The following HIVEP1 variants were observed in gnomAD, a reference collection of about 807,000 sequenced individuals.
HIVEP1 encodes the protein HIVEP zinc finger 1, also known as zinc finger protein 40.
A neutral mutation model predicts 180.0 loss-of-function variants in HIVEP1; 36 were observed. That is an observed-to-expected ratio of 0.20 (90% CI 0.15 to 0.26). The LOEUF (loss-of-function observed/expected upper bound fraction) is 0.26, where lower values mean the gene tolerates loss of function less well. Among genes scored for constraint, HIVEP1 ranks in the 10% least tolerant of loss-of-function variants. The probability of loss-of-function intolerance (pLI) is 1.00; values close to 1 mark genes in which losing one functional copy is unlikely to be tolerated. For missense variants in HIVEP1, 3,143 were observed against 3,268.7 expected (o/e 0.96, Z 0.94); for synonymous variants, 1,239 against 1,239.0 (o/e 1.00, Z 0.00).
At chr6:12,027,226 G>A (rs1768642758) in intron 2 of HIVEP1, among the ~76,000 whole-genome samples, 1 of 152,180 alleles carries the variant, frequency 6.6e-6, no homozygotes, top group Non-Finnish European at 1.5e-5. Context: ...AAATGAGAAT[G>A]CTTTATCTTT....
At chr6:12,116,747 G>C (rs1005453213) in intron 3 of HIVEP1, among the ~76,000 whole-genome samples, 1 of 152,178 alleles carries the variant, frequency 6.6e-6, no homozygotes, top group African/African-American at 2.4e-5. Context: ...TCTCAGCTGA[G>C]TGCTGAGTGA....
intron 3 of HIVEP1, among the ~76,000 whole-genome samples, chr6:12,099,876 GTTGT>G (rs1774007533): frequency 6.6e-6 from 1 of 152,172 alleles, no homozygotes; most frequent in African/African-American, 2.4e-5. Context: ...TCTGAAGTAA[GTTGT>G]TTCTTTTGTC....
At chr6:12,198,977 G>T in the HIVEP1 span, among the ~76,000 whole-genome samples, 1 of 152,326 alleles carries the variant, frequency 6.6e-6, no homozygotes, top group South Asian at 2.1e-4. Context: ...CAGTGGAGAG[G>T]TGTTGGTGGC....
intron 3 of HIVEP1, among the ~76,000 whole-genome samples, chr6:12,116,950 A>G: frequency 6.6e-6 from 1 of 152,234 alleles, no homozygotes; most frequent in Non-Finnish European, 1.5e-5. Flanking sequence ...AATGGGAAAT[A>G]TGGAACTAAG....
At chr6:12,170,950 G>C in the HIVEP1 span, among the ~76,000 whole-genome samples, 39 of 152,132 alleles carry the variant, frequency 2.6e-4, 1 homozygote, top group Admixed American at 4.6e-4. Context: ...TTTTTAGTTG[G>C]CGGACTGAAT....
At position 12,161,424 on chromosome 6, in the gene HIVEP1, GGTT is replaced by G; in HGVS notation, c.6488-11_6488-9del. On this transcript the variant is annotated splice_polypyrimidine_tract_variant and intron_variant, in intron 7 of 8. Transcript: ENST00000379388. ...GAAAGCATTCCATCACATACCTCTT[GGTT>G]GTTTTTATTAGATGAAAAACAGAGA... 6.2e-7 allele frequency: 1 copy of G among 1,602,638 alleles called. No homozygotes were observed. The highest frequency in any genetic ancestry group is 8.5e-7 in the Non-Finnish European group (1 of 1,173,124).
chr6:12,185,884 G>T, the HIVEP1 span, among the ~76,000 whole-genome samples: 1 of 152,106 alleles, frequency 6.6e-6, no homozygotes, highest in Admixed American at 6.6e-5. Flanking sequence ...CATTTTGCTG[G>T]TTTATTGAAA....
intron 3 of HIVEP1, among the ~76,000 whole-genome samples, chr6:12,104,414 C>CTCTCTCTT (rs772806336): frequency 0.011 from 1,312 of 117,836 alleles, 39 homozygotes; most frequent in African/African-American, 0.037. Flanking sequence ...CTCTCTCTCT[C>CTCTCTCTT]CTTTTCTTTC....
chr6:12,165,904 TC>T (rs1183944158), downstream of HIVEP1, among the ~76,000 whole-genome samples: 2 of 152,198 alleles, frequency 1.3e-5, no homozygotes, highest in Admixed American at 1.3e-4. Flanking sequence ...AACTTGCGTA[TC>T]CTTATCTCAA....
At chr6:12,070,179 A>G (rs1347340027) in intron 2 of HIVEP1, among the ~76,000 whole-genome samples, 1 of 152,230 alleles carries the variant, frequency 6.6e-6, no homozygotes, top group East Asian at 1.9e-4. Context: ...GAGTAGAAGG[A>G]GTACAGTCTA....
intron 2 of HIVEP1, among the ~76,000 whole-genome samples, chr6:12,044,758 C>G (rs1770014854): frequency 6.6e-6 from 1 of 150,688 alleles, no homozygotes; most frequent in South Asian, 2.1e-4. Flanking sequence ...CTGTCCCCCA[C>G]TCAAAGCCAG....
chr6:12,075,166 A>G (rs1186069569), intron 2 of HIVEP1, among the ~76,000 whole-genome samples: 1 of 152,222 alleles, frequency 6.6e-6, no homozygotes, highest in African/African-American at 2.4e-5. Context: ...CATGACACAG[A>G]TGGAAGTGTA....
chr6:12,057,688 G>A (rs1373497832), intron 2 of HIVEP1, among the ~76,000 whole-genome samples: 2 of 152,140 alleles, frequency 1.3e-5, no homozygotes, highest in Admixed American at 6.5e-5. Context: ...ATTCTAGTTA[G>A]TAGGCTCTTC....
chr6:12,170,093 C>T, the HIVEP1 span, among the ~76,000 whole-genome samples: 1 of 151,760 alleles, frequency 6.6e-6, no homozygotes, highest in Non-Finnish European at 1.5e-5. Context: ...TGCACTCCAG[C>T]CTGGGCGACA....
chr6:12,062,073 A>C (rs1385743300), intron 2 of HIVEP1, among the ~76,000 whole-genome samples: 1 of 152,214 alleles, frequency 6.6e-6, no homozygotes, highest in Non-Finnish European at 1.5e-5. Context: ...AAGAATAACT[A>C]GTTGCCTAAG....
intron 2 of HIVEP1, among the ~76,000 whole-genome samples, chr6:12,034,297 G>A (rs984373350): frequency 2.0e-5 from 3 of 152,226 alleles, no homozygotes; most frequent in East Asian, 1.9e-4. Flanking sequence ...AATGATTACT[G>A]TTTCTTAGGC....
intron 3 of HIVEP1, among the ~76,000 whole-genome samples, chr6:12,105,807 T>C (rs972585538): frequency 6.6e-6 from 1 of 152,088 alleles, no homozygotes; most frequent in Non-Finnish European, 1.5e-5. Context: ...GTGAGCTAAA[T>C]ATTTATTCCT....
chr6:12,068,876 A>AT (rs2113777319), intron 2 of HIVEP1, among the ~76,000 whole-genome samples: 1 of 141,762 alleles, frequency 7.1e-6, no homozygotes, highest in Admixed American at 7.2e-5. Flanking sequence ...AGCATATACA[A>AT]TAAAAAATTG....
intron 4 of HIVEP1, 42 bp downstream of exon 4, chr6:12,125,912 A>G: frequency 8.4e-7 from 1 of 1,190,956 alleles, no homozygotes; most frequent in Non-Finnish European, 1.2e-6. Flanking sequence ...GTTTGCGCAA[A>G]TTTGTTTCCA....
Sources: gnomAD v4.1 joint callset for allele counts (sites outside exome capture counted in the v4.1 genomes callset) on GRCh38, gnomAD v4.1.1 for gene constraint, MANE v1.5 for transcripts, NCBI Gene and HGNC (gene_info 2026-07-23, HGNC 2026-07-21) for gene names.